Variants in HAO1 observed in about 807,000 individuals in gnomAD.
The protein encoded by HAO1 is hydroxyacid oxidase 1.
A neutral mutation model predicts 39.7 loss-of-function variants in HAO1; 34 were observed. That is an observed-to-expected ratio of 0.86 (90% CI 0.65 to 1.14). HAO1 has a LOEUF of 1.14. Ranked by LOEUF, HAO1 falls within the 50% of genes most tolerant of loss-of-function variation. The pLI is 0.00. For missense variants in HAO1, 479 were observed against 464.5 expected, an observed-to-expected ratio of 1.03 and a Z score of -0.29; for synonymous variants, 172 against 173.2, an observed-to-expected ratio of 0.99 and a Z score of 0.05.
chr20:7,894,224 C>G (rs2050186674), intron 5 of HAO1, among the ~76,000 whole-genome samples: 1 of 152,118 alleles, frequency 6.6e-6, no homozygotes, highest in African/African-American at 2.4e-5. Flanking sequence ...CATTTCTGGA[C>G]CCCCAGTCTC....
intron 4 of HAO1, among the ~76,000 whole-genome samples, chr20:7,905,475 A>G (rs1293908161): frequency 6.6e-6 from 1 of 152,236 alleles, no homozygotes; most frequent in Non-Finnish European, 1.5e-5. Context: ...GCAGTTATCT[A>G]TATAACCAAA....
intron 2 of HAO1, among the ~76,000 whole-genome samples, chr20:7,915,626 T>A (rs957384666): frequency 5.3e-5 from 8 of 152,202 alleles, no homozygotes; most frequent in Admixed American, 5.2e-4. Flanking sequence ...TATGTATCTA[T>A]CTGTATCTAT....
chr20:7,935,228 G>A (rs963060157), intron 1 of HAO1, among the ~76,000 whole-genome samples: 4 of 152,082 alleles, frequency 2.6e-5, no homozygotes, highest in African/African-American at 9.7e-5. Flanking sequence ...ATCATACAGG[G>A]GTACTATCAT....
chr20:7,919,319 C>T (rs918145291), intron 2 of HAO1, among the ~76,000 whole-genome samples: 1 of 152,188 alleles, frequency 6.6e-6, no homozygotes. Context: ...GACACCTACA[C>T]TTTTAATGTT....
intron 4 of HAO1, among the ~76,000 whole-genome samples, chr20:7,895,790 G>A (rs1294941675): frequency 1.3e-5 from 2 of 152,190 alleles, no homozygotes; most frequent in African/African-American, 2.4e-5. Context: ...GCTCATGCCT[G>A]TAATCACAGC....
chr20:7,885,013 C>T (rs1024648589), intron 7 of HAO1, among the ~76,000 whole-genome samples: 3 of 151,870 alleles, frequency 2.0e-5, no homozygotes, highest in Non-Finnish European at 2.9e-5. Context: ...TTTTGAAGAT[C>T]GAGCCCCTAT....
intron 3 of HAO1, among the ~76,000 whole-genome samples, chr20:7,913,176 T>TG (rs1054780265): frequency 1.3e-4 from 19 of 151,090 alleles, no homozygotes; most frequent in East Asian, 5.9e-4. Context: ...TTTTGTTTTT[T>TG]TTTTTTTTTC....
intron 3 of HAO1, 107 bp from the exon 4 acceptor site, chr20:7,906,436 C>T: frequency 1.5e-6 from 1 of 669,752 alleles, no homozygotes; most frequent in Non-Finnish European, 2.6e-6. Flanking sequence ...TGGCTGTTCA[C>T]TGCTCATTTA....
intron 4 of HAO1, among the ~76,000 whole-genome samples, chr20:7,897,051 C>G (rs1191250045): frequency 6.6e-6 from 1 of 152,162 alleles, no homozygotes; most frequent in Non-Finnish European, 1.5e-5. Flanking sequence ...TACAGACCAC[C>G]TAAATAGCTT....
At chr20:7,918,209 T>G (rs567174378) in intron 2 of HAO1, among the ~76,000 whole-genome samples, 1 of 152,282 alleles carries the variant, frequency 6.6e-6, no homozygotes, top group South Asian at 2.1e-4. Flanking sequence ...CCAGAACAAA[T>G]ATGAGTGATC....
chr20:7,914,283 C>G lies in HAO1; in HGVS notation c.426G>C (p.Lys142Asn). The change falls in exon 3 of 8, where the codon AAG becomes AAC. Residue 142 changes from lysine (K) to asparagine (N), a missense_variant. Coordinates refer to ENST00000378789, the MANE Select transcript of HAO1 (RefSeq NM_017545.3). ...CCATCTTCTCTGCCTGCCGCACTAG[C>G]TTCTTGGTGACTTCTCGGTCCTTGT... is the stretch of plus-strand genomic sequence containing the variant. ...YIYKDREVTKKLVRQAEKMGY... is the reference protein window; with the variant it reads ...YIYKDREVTKNLVRQAEKMGY... 6.2e-7 allele frequency: 1 copy of G among 1,614,082 alleles called. No homozygotes were observed.
chr20:7,893,417 G>A (rs1191202264), intron 5 of HAO1, among the ~76,000 whole-genome samples: 1 of 152,154 alleles, frequency 6.6e-6, no homozygotes, highest in East Asian at 1.9e-4. Flanking sequence ...GCCTTTGCAG[G>A]ACTAACAAAT....
chr20:7,912,551 C>T lies in HAO1; in HGVS notation c.545+1613G>A, dbSNP rs1002405500. On this transcript the variant is annotated intron_variant, in intron 3 of 7. Coordinates refer to ENST00000378789, the MANE Select transcript of HAO1 (RefSeq NM_017545.3). Reference sequence around the variant, plus strand: ...GAGAAATGTTTCCTCTAAGAAGCCTCGATAGTGGGAAACTATTTAGAAAGT... The same window carrying T: ...GAGAAATGTTTCCTCTAAGAAGCCTTGATAGTGGGAAACTATTTAGAAAGT... Among the ~76,000 whole-genome samples, 3 of 148,648 alleles carry T rather than the reference C, an allele frequency of 2.0e-5. No homozygotes were observed. The East Asian group carries it at 6.0e-4, about 30-fold the overall frequency.
intron 5 of HAO1, among the ~76,000 whole-genome samples, chr20:7,893,082 C>A (rs1255715631): frequency 6.6e-6 from 1 of 152,112 alleles, no homozygotes; most frequent in Non-Finnish European, 1.5e-5. Flanking sequence ...TGCTGCTAAG[C>A]CAAGGCTCTT....
In HAO1 at chr20:7,885,896, T is replaced by A. The variant is rs370448666; in HGVS notation, c.814-32A>T. On this transcript the variant is annotated intron_variant, in intron 5 of 7. Transcript: ENST00000378789. ...AAAGAAAAGTTCAATAATGTGACTC[T>A]ATTAACACTGAATTGTTATTCAACT... The A allele has an allele frequency of 8.9e-6, 14 of 1,578,394 alleles. No individual in the cohort carries two copies. In the African/African-American group the frequency reaches 1.5e-4, roughly 17 times the overall value.
chr20:7,936,959 A>G (rs1318241942), intron 1 of HAO1, among the ~76,000 whole-genome samples: 1 of 152,128 alleles, frequency 6.6e-6, no homozygotes, highest in South Asian at 2.1e-4. Context: ...ATAGCACCTC[A>G]CTATATTCTC....
At chr20:7,887,893 C>A (rs1248897011) in intron 5 of HAO1, among the ~76,000 whole-genome samples, 3 of 152,116 alleles carry the variant, frequency 2.0e-5, no homozygotes, top group African/African-American at 7.2e-5. Context: ...TTCAATCCTC[C>A]CTTTTTTCTT....
intron 2 of HAO1, among the ~76,000 whole-genome samples, chr20:7,933,966 C>T (rs1600122728): frequency 6.6e-6 from 1 of 152,240 alleles, no homozygotes; most frequent in South Asian, 2.1e-4. Context: ...AAAACACAAC[C>T]AACCACGTTG....
intron 2 of HAO1, among the ~76,000 whole-genome samples, chr20:7,927,261 A>G (rs1465095009): frequency 1.3e-5 from 2 of 152,174 alleles, no homozygotes; most frequent in Non-Finnish European, 2.9e-5. Context: ...TAGCCTAATG[A>G]TACCACCTAT....
Sources: allele counts gnomAD v4.1 joint callset (sites outside exome capture counted in the v4.1 genomes callset), GRCh38; gene constraint gnomAD v4.1.1; transcripts MANE v1.5; gene names NCBI Gene and HGNC (gene_info 2026-07-23, HGNC 2026-07-21).